ABCB7: variants seen among roughly 807,000 people sequenced by gnomAD.
The protein encoded by ABCB7 is iron-sulfur clusters transporter ABCB7, mitochondrial.
ABCB7 carries 7 observed loss-of-function variants against 54.4 expected under a neutral mutation model. That is an observed-to-expected ratio of 0.13 (90% CI 0.07 to 0.24). ABCB7 has a LOEUF of 0.24. Ranked by LOEUF, ABCB7 falls within the 10% of genes least tolerant of loss-of-function variation. ABCB7 has a pLI of 1.00. For missense variants in ABCB7, 356 were observed against 570.4 expected, an observed-to-expected ratio of 0.62 and a Z score of 3.83; for synonymous variants, 218 against 207.1, an observed-to-expected ratio of 1.05 and a Z score of -0.45.
At chrX:75,100,222 C>T (rs2147506092) in intron 3 of ABCB7, among the ~76,000 whole-genome samples, 1 of 110,878 alleles carries the variant, frequency 9.0e-6, no homozygotes, top group African/African-American at 3.3e-5. Flanking sequence ...GCAACAATCT[C>T]CTAACTGATC....
chrX:75,106,794 C>T (rs2081706544), intron 3 of ABCB7, among the ~76,000 whole-genome samples: 1 of 111,443 alleles, frequency 9.0e-6, no homozygotes, highest in South Asian at 3.8e-4. Context: ...AGAGTATCAT[C>T]AAGGGATGCA....
intron 12 of ABCB7, among the ~76,000 whole-genome samples, chrX:75,068,353 T>A (rs921382073): frequency 4.5e-5 from 5 of 111,957 alleles, no homozygotes; most frequent in Non-Finnish European, 3.8e-5. Context: ...GCTTTCATCA[T>A]AAAAAAGCTC....
At chrX:75,142,459 C>G (rs1429557807) in intron 1 of ABCB7, among the ~76,000 whole-genome samples, 1 of 111,832 alleles carries the variant, frequency 8.9e-6, no homozygotes, top group African/African-American at 3.2e-5. Context: ...GGAGGGCCAA[C>G]TGTAATTAGG....
At chrX:75,130,947 G>A (rs1224061700) in intron 1 of ABCB7, among the ~76,000 whole-genome samples, 1 of 110,866 alleles carries the variant, frequency 9.0e-6, no homozygotes, top group East Asian at 2.8e-4. Flanking sequence ...GAGATTCATT[G>A]TACAAAAATT....
At chrX:75,078,624 A>G (rs908726373) in intron 4 of ABCB7, among the ~76,000 whole-genome samples, 58 of 111,630 alleles carry the variant, frequency 5.2e-4, no homozygotes, top group African/African-American at 1.9e-3. Flanking sequence ...AAAGGAATAA[A>G]AATTTTACAA....
At chrX:75,085,922 C>T (rs766753179) in intron 4 of ABCB7, among the ~76,000 whole-genome samples, 30 of 109,708 alleles carry the variant, frequency 2.7e-4, no homozygotes, top group Non-Finnish European at 5.1e-4. Context: ...TCTCGGCTCA[C>T]TGCAACTATC....
rs2081344097 is a variant in ABCB7 at position 75,069,201 on chromosome X, C to T, written c.1530-65G>A. Reference sequence around the variant, plus strand: ...AATGTTAGGAAACCCCAGTTTTAAACCACAGTAATCATTTTGATAAAGAAA... The same window carrying T: ...AATGTTAGGAAACCCCAGTTTTAAATCACAGTAATCATTTTGATAAAGAAA... On this transcript the variant is annotated intron_variant, in intron 11 of 15. Coordinates refer to ENST00000373394, the MANE Select transcript of ABCB7 (RefSeq NM_001271696.3). 4.2e-6 allele frequency: 5 copies of T among 1,196,422 alleles called. No individual in the cohort carries two copies. In the Admixed American group the frequency reaches 8.8e-5, roughly 21 times the overall value.
chrX:75,145,122 C>T (rs772127227), intron 1 of ABCB7, among the ~76,000 whole-genome samples: 2 of 110,576 alleles, frequency 1.8e-5, no homozygotes, highest in East Asian at 2.8e-4. Flanking sequence ...AAAAAGCCCA[C>T]GACGAGACAG....
At chrX:75,131,110 C>A (rs2081970763) in intron 1 of ABCB7, among the ~76,000 whole-genome samples, 1 of 108,843 alleles carries the variant, frequency 9.2e-6, no homozygotes. Flanking sequence ...AACTAAGAGT[C>A]ACATAGACAA....
At chrX:75,076,416 C>T in intron 5 of ABCB7, 106 bp downstream of exon 5, 1 of 1,012,234 alleles carries the variant, frequency 9.9e-7, no homozygotes, top group Non-Finnish European at 1.4e-6. Flanking sequence ...AACAAACATC[C>T]AAAACGCTAA....
At chrX:75,079,049 C>T (rs1286857104) in intron 4 of ABCB7, among the ~76,000 whole-genome samples, 4 of 111,632 alleles carry the variant, frequency 3.6e-5, no homozygotes, top group African/African-American at 6.5e-5. Context: ...TAGTGAATGA[C>T]GCCTAAAACT....
chrX:75,104,047 G>GTTTT lies in ABCB7; in HGVS notation c.334-4990_334-4987dup, dbSNP rs757074347. ...AAATGGGCATCCCTGTCTTGTTACA[G>GTTTT]TTTTTTTTTTTTTTTTTTTTTTTTT... is the stretch of plus-strand genomic sequence containing the variant. On this transcript the variant is annotated intron_variant, in intron 3 of 15. Coordinates refer to ENST00000373394, the MANE Select transcript of ABCB7 (RefSeq NM_001271696.3). Among the ~76,000 whole-genome samples the GTTTT allele has an allele frequency of 6.7e-4, 9 of 13,446 alleles. 2 individuals are homozygous for GTTTT. Among genetic ancestry groups the GTTTT allele is most frequent in the Admixed American group, 2.0e-3 (1 of 502 alleles). The allele number at this position is 13,446 out of a possible 115,157, so 11.7% of individuals were successfully genotyped here. A position where few individuals can be genotyped will look rare whatever the true frequency, so the allele number is the denominator to read the frequency against.
intron 1 of ABCB7, among the ~76,000 whole-genome samples, chrX:75,151,786 G>A (rs1406136394): frequency 4.5e-5 from 5 of 111,897 alleles, no homozygotes; most frequent in African/African-American, 1.6e-4. Flanking sequence ...TACAAATAGA[G>A]CTCAGGCGGT....
chrX:75,073,813 G>T, intron 7 of ABCB7, 37 bp from the exon 8 acceptor site: 1 of 1,186,857 alleles, frequency 8.4e-7, no homozygotes, highest in Non-Finnish European at 1.1e-6. Flanking sequence ...TGAAATACAT[G>T]TTATAAAAGC....
At chrX:75,151,203 T>C (rs1248757387) in intron 1 of ABCB7, among the ~76,000 whole-genome samples, 1 of 111,850 alleles carries the variant, frequency 8.9e-6, no homozygotes, top group Non-Finnish European at 1.9e-5. Context: ...TTAAAACCAA[T>C]GTGTCAATGA....
intron 1 of ABCB7, among the ~76,000 whole-genome samples, chrX:75,141,404 T>G (rs1025238955): frequency 1.2e-4 from 13 of 110,643 alleles, no homozygotes; most frequent in African/African-American, 3.9e-4. Context: ...TAAATCGCTG[T>G]TTCTTGCTTA....
At chrX:75,059,623 G>A (rs1244217137) in intron 15 of ABCB7, among the ~76,000 whole-genome samples, 1 of 111,088 alleles carries the variant, frequency 9.0e-6, no homozygotes, top group Non-Finnish European at 1.9e-5. Context: ...GGTCCTTACA[G>A]AAAGAAGAAA....
At chrX:75,104,046 A>G (rs1408439153) in intron 3 of ABCB7, among the ~76,000 whole-genome samples, 5 of 13,543 alleles carry the variant, frequency 3.7e-4, no homozygotes, top group Admixed American at 1.8e-3. Context: ...GTCTTGTTAC[A>G]GTTTTTTTTT....
intron 4 of ABCB7, among the ~76,000 whole-genome samples, chrX:75,084,266 T>C (rs969015049): frequency 6.3e-5 from 7 of 111,598 alleles, no homozygotes; most frequent in African/African-American, 2.3e-4. Flanking sequence ...GATAATAAAT[T>C]TGTGGTGTTT....
Sources: allele counts gnomAD v4.1 joint callset (sites outside exome capture counted in the v4.1 genomes callset), GRCh38; gene constraint gnomAD v4.1.1; transcripts MANE v1.5; gene names NCBI Gene and HGNC (gene_info 2026-07-23, HGNC 2026-07-21).